UBE2Q2: variants seen among roughly 807,000 people sequenced by gnomAD.
UBE2Q2 encodes ubiquitin-conjugating enzyme E2 Q2.
A neutral mutation model predicts 59.9 loss-of-function variants in UBE2Q2; 54 were observed. The observed-to-expected ratio is 0.90, with a 90% CI of 0.72 to 1.13. The LOEUF is 1.13. UBE2Q2 is among the 50% of genes most tolerant of loss of function. The pLI, the probability that UBE2Q2 is intolerant of heterozygous loss-of-function variation, is 0.00. For missense variants in UBE2Q2, 433 were observed against 441.9 expected, an observed-to-expected ratio of 0.98 and a Z score of 0.18; for synonymous variants, 165 against 155.2, an observed-to-expected ratio of 1.06 and a Z score of -0.47.
chr15:75,881,583 C>T lies in UBE2Q2; in HGVS notation c.826-1783C>T, dbSNP rs114872873. On this transcript the variant is annotated intron_variant, in intron 8 of 12. Transcript: ENST00000267938. The stretch of plus-strand genomic sequence containing the variant: ...TGAAGAGGACCTTAAACTGAATTGC[C>T]AAGTTATTAGTATCGGGATTCACAG... 3.4e-3 allele frequency among the ~76,000 whole-genome samples: 510 copies of T among 152,180 alleles called. 4 individuals carry two copies. The highest frequency in any genetic ancestry group is 0.012 in the African/African-American group (502 of 41,496).
intron 4 of UBE2Q2, among the ~76,000 whole-genome samples, chr15:75,872,877 ATTG>A (rs148457897): frequency 0.23 from 34,665 of 151,646 alleles, 4,828 homozygotes; most frequent in Non-Finnish European, 0.31. Flanking sequence ...TCTTTTTTGT[ATTG>A]TTTTTCATTT....
At position 75,844,164 on chromosome 15, in the gene UBE2Q2, C is replaced by T. The variant is rs907737137; in HGVS notation, c.180+318C>T. Reference sequence around the variant, plus strand: ...CAAGCCCTTGTGGGGTCCATGGCCGCCCTCAGCCGGCCTGCTCCCGGGACC... The same window carrying T: ...CAAGCCCTTGTGGGGTCCATGGCCGTCCTCAGCCGGCCTGCTCCCGGGACC... On this transcript the variant is annotated intron_variant, in intron 1 of 12. Transcript: ENST00000267938. The T allele has an allele frequency of 2.1e-6, 3 of 1,435,352 alleles. No homozygotes were observed. The African/African-American group carries it at 4.3e-5, about 21-fold the overall frequency. The allele number at this position is 1,435,352 out of a possible 1,614,324, so 88.9% of individuals were successfully genotyped here.
chr15:75,885,394 G>T (rs1238963161), intron 9 of UBE2Q2, among the ~76,000 whole-genome samples: 1 of 152,286 alleles, frequency 6.6e-6, no homozygotes, highest in East Asian at 1.9e-4. Context: ...GGGATTACAC[G>T]CATGAGCTAC....
At position 75,843,698 on chromosome 15, in the gene UBE2Q2, AGTTCCT is replaced by A. The variant is rs1896143022; in HGVS notation, c.34_39del (p.Phe12_Leu13del). 1.2e-6 allele frequency: 2 copies of A among 1,611,016 alleles called. No individual in the cohort carries two copies. Among genetic ancestry groups the A allele is most frequent in the African/African-American group, 2.7e-5 (2 of 74,282 alleles). ...GTGTCAGGGCTCAAGGCCGAGCTGA[AGTTCCT>A]GGCGTCCATCTTCGACAAGAACCAC... On this transcript the variant is annotated inframe_deletion, in exon 1 of 13. Transcript: ENST00000267938.
At chr15:75,867,191 T>G (rs989739721) in intron 3 of UBE2Q2, among the ~76,000 whole-genome samples, 6 of 152,176 alleles carry the variant, frequency 3.9e-5, no homozygotes, top group African/African-American at 1.4e-4. Context: ...AGTCTAAGAT[T>G]TTGCTGCTGC....
intron 12 of UBE2Q2, among the ~76,000 whole-genome samples, chr15:75,898,898 A>C (rs1595904983): frequency 6.6e-6 from 1 of 152,160 alleles, no homozygotes; most frequent in Non-Finnish European, 1.5e-5. Context: ...GGTACAATTT[A>C]TTCATAGAAA....
chr15:75,880,445 G>A (rs1423791615), intron 8 of UBE2Q2, among the ~76,000 whole-genome samples: 2 of 150,684 alleles, frequency 1.3e-5, no homozygotes, highest in East Asian at 3.9e-4. Context: ...AAAAATAATG[G>A]TTAAAGAATA....
rs147408034 is a variant in UBE2Q2, at chr15:75,883,552, T to C, written c.884+128T>C. The C allele has an allele frequency of 3.1e-5, 20 of 647,312 alleles. No homozygotes were observed. The African/African-American group carries it at 3.7e-4, about 12-fold the overall frequency. The allele number at this position is 647,312 out of a possible 1,614,324, so 40.1% of individuals were successfully genotyped here. On this transcript the variant is annotated intron_variant, in intron 9 of 12. Transcript: ENST00000267938. Reference sequence around the variant, plus strand: ...CCTGGGCTCAAGTGATCCTCCCACCTTGGCCTCCCAAAGTGCTGGGATTAC... The same window carrying C: ...CCTGGGCTCAAGTGATCCTCCCACCCTGGCCTCCCAAAGTGCTGGGATTAC...
chr15:75,844,162 C>T (rs560695372), intron 1 of UBE2Q2: 3 of 1,433,944 alleles, frequency 2.1e-6, no homozygotes, highest in East Asian at 5.1e-5. Context: ...GGTCCATGGC[C>T]GCCCTCAGCC....
intron 3 of UBE2Q2, among the ~76,000 whole-genome samples, chr15:75,864,630 G>A (rs1040301981): frequency 2.7e-5 from 4 of 147,654 alleles, no homozygotes; most frequent in African/African-American, 9.9e-5. Flanking sequence ...AAAAAGGATC[G>A]CTTCATGTAT....
intron 3 of UBE2Q2, among the ~76,000 whole-genome samples, chr15:75,860,807 C>T (rs1351043572): frequency 6.6e-6 from 1 of 152,150 alleles, no homozygotes; most frequent in Non-Finnish European, 1.5e-5. Context: ...TTCTCATCTG[C>T]TCTCCTACAG....
At chr15:75,880,874 C>T (rs1898371410) in intron 8 of UBE2Q2, among the ~76,000 whole-genome samples, 1 of 152,056 alleles carries the variant, frequency 6.6e-6, no homozygotes, top group East Asian at 1.9e-4. Flanking sequence ...TTTGTACTTA[C>T]AAAAAAGGTA....
Position 75,899,657 on chromosome 15 carries a change from A to G in UBE2Q2, c.*199A>G. 5.5e-6 allele frequency: 2 copies of G among 365,234 alleles called. No individual in the cohort carries two copies. Among genetic ancestry groups the G allele is most frequent in the Middle Eastern group, 4.1e-4 (1 of 2,466 alleles). 22.6% of individuals were successfully genotyped at this position (365,234 alleles called of 1,614,324 possible). ...TGCTCATTTTAGATATCTTGGACTG[A>G]GCAGTGGGGCCTTTACTGTATTTTT... On this transcript the variant is annotated 3_prime_UTR_variant, in exon 13 of 13. Coordinates refer to ENST00000267938, the MANE Select transcript of UBE2Q2 (RefSeq NM_173469.4).
intron 4 of UBE2Q2, among the ~76,000 whole-genome samples, chr15:75,872,847 G>A (rs1028835852): frequency 5.9e-5 from 9 of 151,352 alleles, no homozygotes; most frequent in Non-Finnish European, 7.4e-5. Context: ...TTATTTCAGC[G>A]TAACTGAAAT....
chr15:75,889,685 A>G (rs1361995795), intron 9 of UBE2Q2, among the ~76,000 whole-genome samples: 1 of 152,242 alleles, frequency 6.6e-6, no homozygotes, highest in Non-Finnish European at 1.5e-5. Flanking sequence ...TGTGTTTTCA[A>G]AATTACCACA....
At chr15:75,867,316 C>A (rs1368428396) in intron 3 of UBE2Q2, among the ~76,000 whole-genome samples, 2 of 152,152 alleles carry the variant, frequency 1.3e-5, no homozygotes, top group Non-Finnish European at 2.9e-5. Flanking sequence ...GTAGATGGGA[C>A]AAGTACAGTA....
At chr15:75,889,939 G>A (rs1253572299) in intron 9 of UBE2Q2, among the ~76,000 whole-genome samples, 2 of 152,100 alleles carry the variant, frequency 1.3e-5, no homozygotes, top group East Asian at 3.9e-4. Context: ...GAAGCTCCAT[G>A]GTCAGAACCA....
chr15:75,895,866 C>T (rs542518924), intron 11 of UBE2Q2, among the ~76,000 whole-genome samples: 8 of 152,110 alleles, frequency 5.3e-5, no homozygotes, highest in Admixed American at 2.6e-4. Context: ...GACACAGCAG[C>T]TCTACTCTAG....
At chr15:75,890,636 A>G (rs141818608) in intron 10 of UBE2Q2, among the ~76,000 whole-genome samples, 153 bp downstream of exon 10, 34 of 152,348 alleles carry the variant, frequency 2.2e-4, no homozygotes, top group African/African-American at 7.2e-4. Flanking sequence ...AAAAAGGTAA[A>G]CCAATAAAAT....
Sources: allele counts gnomAD v4.1 joint callset (sites outside exome capture counted in the v4.1 genomes callset), GRCh38; gene constraint gnomAD v4.1.1; transcripts MANE v1.5; gene names NCBI Gene and HGNC (gene_info 2026-07-23, HGNC 2026-07-21).